Variants in TMEM190 observed in about 807,000 individuals in gnomAD.
TMEM190 encodes transmembrane protein 190.
In TMEM190, 17 loss-of-function variants were observed where a neutral mutation model predicts 17.1. That is an observed-to-expected ratio of 0.99 (90% CI 0.68 to 1.49). The LOEUF (loss-of-function observed/expected upper bound fraction) is 1.49, where lower values mean the gene tolerates loss of function less well. Among genes scored for constraint, TMEM190 ranks in the 40% most tolerant of loss-of-function variants. The pLI, the probability that TMEM190 is intolerant of heterozygous loss-of-function variation, is 0.00. For synonymous variants in TMEM190, 101 were observed against 103.8 expected (o/e 0.97, Z 0.16); for missense variants, 246 against 245.0 (o/e 1.00, Z -0.03).
Position 55,377,784 on chromosome 19 carries a change from C to T in TMEM190, c.221-18C>T. ...GCGGTCGGGAGCCCCGGGTCTTAAC[C>T]CTGCCTCCCTTGTCCAGAAAACGTG... On this transcript the variant is annotated intron_variant, in intron 3 of 4. Coordinates refer to ENST00000291934, the MANE Select transcript of TMEM190 (RefSeq NM_139172.3). The T allele has an allele frequency of 3.1e-6, 5 of 1,612,958 alleles. No individual in the cohort carries two copies. Among genetic ancestry groups the T allele is most frequent in the Non-Finnish European group, 4.2e-6 (5 of 1,179,734 alleles).
At position 55,377,014 on chromosome 19, in the gene TMEM190, T is replaced by C. The variant is rs976941680; in HGVS notation, c.82T>C (p.Phe28Leu). 3 of 1,551,388 alleles carry C rather than the reference T, an allele frequency of 1.9e-6. No individual in the cohort carries two copies. Among genetic ancestry groups the C allele is most frequent in the Non-Finnish European group, 2.6e-6 (3 of 1,146,982 alleles). The part of the protein sequence containing the change: ...SADGNGIQGF[F>L]YPWSCEGDIW... Reference sequence around the variant, plus strand: ...AGACGGAAATGGAATCCAGGGATTCTTCTACCCATGGAGTGAGCAGCCGCT... The same window carrying C: ...AGACGGAAATGGAATCCAGGGATTCCTCTACCCATGGAGTGAGCAGCCGCT... The change falls in exon 2 of 5, where the codon TTC becomes CTC. Residue 28 changes from phenylalanine (F) to leucine (L), a missense_variant. Physicochemically the swap from Phe to Leu is conservative, Grantham distance 22. Transcript: ENST00000291934.
At chr19:55,377,067 G>A in intron 2 of TMEM190, 41 bp downstream of exon 2, 1 of 1,546,634 alleles carries the variant, frequency 6.5e-7, no homozygotes, top group Non-Finnish European at 8.7e-7. Context: ...AGGGAGGGGA[G>A]CCCAGATCAG....
chr19:55,376,952 C>T (rs199617765), intron 1 of TMEM190, 39 bp from the exon 2 acceptor site: 142 of 1,553,780 alleles, frequency 9.1e-5, no homozygotes, highest in Middle Eastern at 3.3e-4. Context: ...GAGGGACGCC[C>T]GGCTCCACAC....
intron 2 of TMEM190, among the ~76,000 whole-genome samples, chr19:55,377,244 G>GA (rs1422202413): frequency 1.3e-5 from 2 of 150,496 alleles, no homozygotes; most frequent in Non-Finnish European, 3.0e-5. Context: ...GAGGGAGGAG[G>GA]GCTGGACCTG....
In TMEM190 at chr19:55,378,092, G is replaced by C. The variant is rs774613461; in HGVS notation, c.423G>C (p.Thr141=). The change falls in exon 5 of 5, where the codon ACG becomes ACC. Residue 141 remains threonine, a synonymous_variant. Transcript: ENST00000291934. ...GAGGGACCAAGAAGACGCCGTCCACGGGCAGCGTGCCAGTCGCCCTGTCCA... is the reference window on the plus strand; with the variant it reads ...GAGGGACCAAGAAGACGCCGTCCACCGGCAGCGTGCCAGTCGCCCTGTCCA... ...KHRGTKKTPS[T]GSVPVALSKE... The C allele has an allele frequency of 1.2e-6, 2 of 1,609,678 alleles. No homozygotes were observed. Among genetic ancestry groups the C allele is most frequent in the Non-Finnish European group, 1.7e-6 (2 of 1,177,794 alleles).
chr19:55,376,874 A>G lies in TMEM190; in HGVS notation c.21A>G (p.Pro7=). 1 of 1,581,158 alleles carries G rather than the reference A, an allele frequency of 6.3e-7. No homozygotes were observed. The highest frequency in any genetic ancestry group is 1.2e-5 in the South Asian group (1 of 86,340). Reference sequence around the variant, plus strand: ...GTGACATGTTGGGCTGTGGGATCCCAGCGCTGGGCCTGCTCCTGCTGCTGC... The same window carrying G: ...GTGACATGTTGGGCTGTGGGATCCCGGCGCTGGGCCTGCTCCTGCTGCTGC... The part of the protein sequence containing the change: MLGCGI[P]ALGLLLLLQG... Residue 7 remains proline, a synonymous_variant, in exon 1 of 5, where the codon CCA becomes CCG. Transcript: ENST00000291934.
At chr19:55,377,515 A>G (rs1004334751) in intron 2 of TMEM190, 78 bp from the exon 3 acceptor site, 3 of 1,543,728 alleles carry the variant, frequency 1.9e-6, no homozygotes, top group Non-Finnish European at 2.6e-6. Context: ...GCCTGGGAGC[A>G]TGGCCTTGGA....
intron 3 of TMEM190, 24 bp downstream of exon 3, chr19:55,377,742 C>T (rs1022481355): frequency 7.4e-6 from 12 of 1,611,878 alleles, no homozygotes; most frequent in Non-Finnish European, 9.3e-6. Context: ...GCCCCAGGTC[C>T]CTGGGGCGTG....
Position 55,377,797 on chromosome 19 carries a change from T to C in TMEM190, c.221-5T>C, listed in dbSNP as rs1438287356. 11 of 1,612,706 alleles carry C rather than the reference T, an allele frequency of 6.8e-6. No individual in the cohort carries two copies. The highest frequency in any genetic ancestry group is 9.3e-6 in the Non-Finnish European group (11 of 1,179,754). The stretch of plus-strand genomic sequence containing the variant: ...CCGGGTCTTAACCCTGCCTCCCTTG[T>C]CCAGAAAACGTGCGGAGGAAGCACA... On this transcript the variant is annotated splice_polypyrimidine_tract_variant and splice_region_variant and intron_variant, in intron 3 of 4. Coordinates refer to ENST00000291934, the MANE Select transcript of TMEM190 (RefSeq NM_139172.3).
intron 2 of TMEM190, 71 bp from the exon 3 acceptor site, chr19:55,377,522 T>C (rs1015271442): frequency 7.1e-6 from 11 of 1,549,024 alleles, no homozygotes; most frequent in Non-Finnish European, 9.6e-6. Context: ...AGCATGGCCT[T>C]GGAATCTCGT....
chr19:55,377,519 C>A, intron 2 of TMEM190, 74 bp from the exon 3 acceptor site: 1 of 1,547,988 alleles, frequency 6.5e-7, no homozygotes, highest in South Asian at 1.2e-5. Flanking sequence ...GGGAGCATGG[C>A]CTTGGAATCT....
In TMEM190 at chr19:55,377,819, C is replaced by T; in HGVS notation, c.238C>T (p.His80Tyr). The change falls in exon 4 of 5, where the codon CAC (histidine) becomes TAC (tyrosine). Residue 80 changes from histidine (H) to tyrosine (Y), a missense_variant. By Grantham distance (83) the His-to-Tyr change is moderately conservative. Coordinates refer to ENST00000291934, the MANE Select transcript of TMEM190 (RefSeq NM_139172.3). ...QRPDENVRRK[H>Y]MWALVWTCSG... is the part of the protein sequence containing the mutation. Reference sequence around the variant, plus strand: ...TTGTCCAGAAAACGTGCGGAGGAAGCACATGTGGGCGCTGGTCTGGACGTG... The same window carrying T: ...TTGTCCAGAAAACGTGCGGAGGAAGTACATGTGGGCGCTGGTCTGGACGTG... The T allele has an allele frequency of 1.2e-6, 2 of 1,611,868 alleles. No individual in the cohort carries two copies. Among genetic ancestry groups the T allele is most frequent in the Admixed American group, 1.7e-5 (1 of 60,004 alleles).
intron 2 of TMEM190, 24 bp from the exon 3 acceptor site, chr19:55,377,569 A>C: frequency 3.1e-6 from 5 of 1,592,062 alleles, no homozygotes; most frequent in Non-Finnish European, 4.3e-6. Context: ...GTGATGAAGC[A>C]AGCCACTGGT....
At position 55,376,897 on chromosome 19, in the gene TMEM190, T is replaced by C; in HGVS notation, c.44T>C (p.Leu15Pro). Residue 15 changes from leucine (L) to proline (P), a missense_variant, in exon 1 of 5, where the codon CTG becomes CCG. Coordinates refer to ENST00000291934, the MANE Select transcript of TMEM190 (RefSeq NM_139172.3). ...CCAGCGCTGGGCCTGCTCCTGCTGC[T>C]GCAGGGCTCGGCAGGTGAGGGGCTG... ...GIPALGLLLL[L>P]QGSADGNGIQ... 6.3e-7 allele frequency: 1 copy of C among 1,582,666 alleles called. No homozygotes were observed. The highest frequency in any genetic ancestry group is 8.6e-7 in the Non-Finnish European group (1 of 1,164,602).
In TMEM190 at chr19:55,378,113, G is replaced by A; in HGVS notation, c.444G>A (p.Leu148=). The A allele has an allele frequency of 6.2e-7, 1 of 1,604,880 alleles. No individual in the cohort carries two copies. Among genetic ancestry groups the A allele is most frequent in the Non-Finnish European group, 8.5e-7 (1 of 1,174,808 alleles). The part of the protein sequence containing the change: ...TPSTGSVPVA[L]SKESRDVEGG... Reference sequence around the variant, plus strand: ...CCACGGGCAGCGTGCCAGTCGCCCTGTCCAAAGAGTCCAGGGATGTGGAGG... The same window carrying A: ...CCACGGGCAGCGTGCCAGTCGCCCTATCCAAAGAGTCCAGGGATGTGGAGG... The change falls in exon 5 of 5, where the codon CTG becomes CTA. Residue 148 remains leucine (L), a synonymous_variant. Coordinates refer to ENST00000291934, the MANE Select transcript of TMEM190 (RefSeq NM_139172.3).
Position 55,377,575 on chromosome 19 carries a change from C to CT in TMEM190, c.95-17dup, listed in dbSNP as rs780560053. 13 of 1,596,710 alleles carry CT rather than the reference C, an allele frequency of 8.1e-6. No individual in the cohort carries two copies. Among genetic ancestry groups the CT allele is most frequent in the Non-Finnish European group, 1.1e-5 (13 of 1,171,444 alleles). ...CGGAGCGCTGTGATGAAGCAAGCCA[C>CT]TGGTGGTTGGTCCCCAGGCTGTGAG... On this transcript the variant is annotated splice_polypyrimidine_tract_variant and intron_variant, in intron 2 of 4. Transcript: ENST00000291934.
chr19:55,377,079 C>T lies in TMEM190; in HGVS notation c.94+53C>T, dbSNP rs930544405. ...CCCAGGGAGGGGAGCCCAGATCAGACCCCTGAATCTGAGGGAGGAGGAGCT... is the reference window on the plus strand; with the variant it reads ...CCCAGGGAGGGGAGCCCAGATCAGATCCCTGAATCTGAGGGAGGAGGAGCT... On this transcript the variant is annotated intron_variant, in intron 2 of 4. Coordinates refer to ENST00000291934, the MANE Select transcript of TMEM190 (RefSeq NM_139172.3). 3 of 1,538,536 alleles carry T rather than the reference C, an allele frequency of 1.9e-6. No individual in the cohort carries two copies. The African/African-American group carries it at 4.1e-5, about 21-fold the overall frequency.
chr19:55,377,995 TGCTGCATATGCCCGGTTTCCTGGCGG>T lies in TMEM190; in HGVS notation c.328_353del (p.Leu110SerfsTer3), dbSNP rs2089866119. On this transcript the variant is annotated frameshift_variant, in exon 5 of 5. Coordinates refer to ENST00000291934, the MANE Select transcript of TMEM190 (RefSeq NM_139172.3). LOFTEE classifies it low-confidence loss of function (END_TRUNC). Reference sequence around the variant, plus strand: ...TGCAGGTGGGCCAAGCGCCGGGACGTGCTGCATATGCCCGGTTTCCTGGCGGGTCCGTGTGACATGTCCAAGTCCGT... The same window carrying T: ...TGCAGGTGGGCCAAGCGCCGGGACGTGTCCGTGTGACATGTCCAAGTCCGT... 6.2e-7 allele frequency: 1 copy of T among 1,612,288 alleles called. No individual in the cohort carries two copies. The highest frequency in any genetic ancestry group is 8.5e-7 in the Non-Finnish European group (1 of 1,179,914).
Position 55,377,985 on chromosome 19 carries a change from C to G in TMEM190, c.316C>G (p.Arg106Gly), listed in dbSNP as rs201204974. 7.4e-6 allele frequency: 12 copies of G among 1,611,474 alleles called. No homozygotes were observed. The highest frequency in any genetic ancestry group is 9.3e-6 in the Non-Finnish European group (11 of 1,179,848). ...GTCCGCTCCCTGCAGGTGGGCCAAG[C>G]GCCGGGACGTGCTGCATATGCCCGG... ...CSICLFWWAK[R>G]RDVLHMPGFL... The change falls in exon 5 of 5, where the codon CGC (arginine) becomes GGC (glycine). Residue 106 changes from arginine (R) to glycine (G), a missense_variant. Arg to Gly is a moderately radical substitution (Grantham distance 125). Coordinates refer to ENST00000291934, the MANE Select transcript of TMEM190 (RefSeq NM_139172.3).
Sources: gnomAD v4.1 joint callset for allele counts (sites outside exome capture counted in the v4.1 genomes callset) on GRCh38, gnomAD v4.1.1 for gene constraint, MANE v1.5 for transcripts, NCBI Gene and HGNC (gene_info 2026-07-23, HGNC 2026-07-21) for gene names.